CDH20: variants seen among roughly 807,000 people sequenced by gnomAD.
CDH20 encodes the protein cadherin 20.
Under a neutral mutation model 74.2 loss-of-function variants are expected in CDH20, and 29 were observed. That is an observed-to-expected ratio of 0.39 (90% CI 0.29 to 0.53). The LOEUF is 0.53. Among genes scored for constraint, CDH20 ranks in the 20% least tolerant of loss-of-function variants. The pLI is 0.69. For synonymous variants in CDH20, 469 were observed against 405.4 expected, an observed-to-expected ratio of 1.16 and a Z score of -1.88; for missense variants, 988 against 1,048.3, an observed-to-expected ratio of 0.94 and a Z score of 0.79.
At chr18:61,397,061 C>T (rs193096939) in intron 1 of CDH20, among the ~76,000 whole-genome samples, 2 of 152,224 alleles carry the variant, frequency 1.3e-5, no homozygotes, top group East Asian at 1.9e-4. Flanking sequence ...CCAAATATAA[C>T]GTGCTGCCAG....
intron 1 of CDH20, among the ~76,000 whole-genome samples, chr18:61,417,249 G>C (rs572129666): frequency 5.3e-5 from 8 of 152,014 alleles, no homozygotes; most frequent in Non-Finnish European, 1.0e-4. Context: ...AAAGACTTTG[G>C]TGCTAAATCA....
In CDH20 at chr18:61,473,193, ATCTC is replaced by A. The variant is rs1248441066; in HGVS notation, c.-152-17203_-152-17200del. ...AAACAACTTGGGGAAATAGATTTTTATCTCTCTCTTTAATCCTAATTTGATGCTA... is the reference window on the plus strand; with the variant it reads ...AAACAACTTGGGGAAATAGATTTTTATCTCTTTAATCCTAATTTGATGCTA... On this transcript the variant is annotated intron_variant, in intron 1 of 11. Transcript: ENST00000262717. Among the ~76,000 whole-genome samples, 7 of 152,302 alleles carry A rather than the reference ATCTC, an allele frequency of 4.6e-5. 1 individual carries two copies. The highest frequency in any genetic ancestry group is 4.6e-4 in the Admixed American group (7 of 15,300).
At chr18:61,339,130 G>A (rs1909852244) in intron 1 of CDH20, among the ~76,000 whole-genome samples, 1 of 152,052 alleles carries the variant, frequency 6.6e-6, no homozygotes, top group Non-Finnish European at 1.5e-5. Context: ...CGTGAGGGGG[G>A]TGAGAAAGTA....
chr18:61,420,194 C>T (rs1337428320), intron 1 of CDH20, among the ~76,000 whole-genome samples: 16 of 152,152 alleles, frequency 1.1e-4, no homozygotes, highest in South Asian at 1.0e-3. Flanking sequence ...GGCTACTGAG[C>T]GTTTGCATTA....
intron 1 of CDH20, among the ~76,000 whole-genome samples, chr18:61,340,378 C>T (rs1216578342): frequency 1.3e-5 from 2 of 152,060 alleles, no homozygotes; most frequent in African/African-American, 4.8e-5. Flanking sequence ...TCAATTACCA[C>T]TTGTTCCCAG....
intron 1 of CDH20, among the ~76,000 whole-genome samples, chr18:61,420,704 T>C (rs1004951673): frequency 6.6e-6 from 1 of 152,144 alleles, no homozygotes; most frequent in Non-Finnish European, 1.5e-5. Context: ...GGAATTGCAA[T>C]GCTCAGGCTG....
chr18:61,533,212 G>A (rs1019928798), intron 7 of CDH20, among the ~76,000 whole-genome samples: 2 of 152,310 alleles, frequency 1.3e-5, no homozygotes, highest in Admixed American at 6.5e-5. Context: ...GGAGGCTGAG[G>A]CGGAAGGATC....
chr18:61,504,659 C>A (rs1911497112), intron 5 of CDH20, among the ~76,000 whole-genome samples: 1 of 151,862 alleles, frequency 6.6e-6, no homozygotes, highest in South Asian at 2.1e-4. Context: ...GCAGGAAGTG[C>A]AATTCCAGGT....
intron 1 of CDH20, among the ~76,000 whole-genome samples, chr18:61,421,560 C>T (rs1476128604): frequency 6.6e-6 from 1 of 152,086 alleles, no homozygotes; most frequent in East Asian, 1.9e-4. Flanking sequence ...TATAAACTAT[C>T]ACCTGGTGTT....
intron 1 of CDH20, among the ~76,000 whole-genome samples, chr18:61,413,944 A>C (rs775174460): frequency 1.3e-5 from 2 of 152,178 alleles, no homozygotes; most frequent in African/African-American, 2.4e-5. Flanking sequence ...TTAGGTTGTC[A>C]AGAAACCTGT....
intron 1 of CDH20, among the ~76,000 whole-genome samples, chr18:61,430,948 G>A (rs563401145): frequency 1.4e-4 from 22 of 152,250 alleles, no homozygotes; most frequent in African/African-American, 4.3e-4. Flanking sequence ...GGCCCTAGGT[G>A]TGCTTGTATT....
rs1409176762 is a variant in CDH20 at position 61,369,911 on chromosome 18, G to A, written c.-153+36084G>A. Among the ~76,000 whole-genome samples, 5 of 151,960 alleles carry A rather than the reference G, an allele frequency of 3.3e-5. 1 individual carries two copies. In the South Asian group the frequency reaches 6.2e-4, roughly 19 times the overall value. ...GGAACAACACACACTGGGGTCTAAC[G>A]GAGGGTGGAAGGTGGGAGGAGGGAG... On this transcript the variant is annotated intron_variant, in intron 1 of 11. Coordinates refer to ENST00000262717, the MANE Select transcript of CDH20 (RefSeq NM_031891.4).
At chr18:61,397,863 T>A (rs916985956) in intron 1 of CDH20, among the ~76,000 whole-genome samples, 3 of 152,222 alleles carry the variant, frequency 2.0e-5, no homozygotes, top group African/African-American at 7.2e-5. Context: ...TAGTAAGTAC[T>A]ATAAAGTGTT....
In CDH20 at chr18:61,536,621, T is replaced by C. The variant is rs746199269; in HGVS notation, c.1400T>C (p.Met467Thr). ...TGGCATAATATCACTGTCCTTGCTA[T>C]GGAAATGAGTAAGTAGCACAGTAAG... is the stretch of plus-strand genomic sequence containing the variant. ...FSWHNITVLA[M>T]EMNNPSQVGS... The change falls in exon 8 of 12, where the codon ATG (methionine) becomes ACG (threonine). Residue 467 changes from methionine (M) to threonine (T), a missense_variant. Coordinates refer to ENST00000262717, the MANE Select transcript of CDH20 (RefSeq NM_031891.4). 1.9e-5 allele frequency: 31 copies of C among 1,613,702 alleles called. No homozygotes were observed. Among genetic ancestry groups the C allele is most frequent in the Non-Finnish European group, 2.5e-5 (30 of 1,179,778 alleles).
At chr18:61,373,101 C>T (rs575260597) in intron 1 of CDH20, among the ~76,000 whole-genome samples, 45 of 151,688 alleles carry the variant, frequency 3.0e-4, no homozygotes, top group African/African-American at 1.1e-3. Flanking sequence ...TCAGTTTTGC[C>T]TTTCGTTTTT....
At position 61,514,142 on chromosome 18, in the gene CDH20, A is replaced by G. The variant is rs559171241; in HGVS notation, c.1017+6582A>G. 7.8e-3 allele frequency among the ~76,000 whole-genome samples: 1,193 copies of G among 152,208 alleles called. 21 individuals carry two copies. Among genetic ancestry groups the G allele is most frequent in the African/African-American group, 0.028 (1,160 of 41,516 alleles). On this transcript the variant is annotated intron_variant, in intron 6 of 11. Coordinates refer to ENST00000262717, the MANE Select transcript of CDH20 (RefSeq NM_031891.4). ...CCCATCACTTTCAGGTACACCAATC[A>G]GACGTAGATTTGGTCTTTTCACATA...
intron 1 of CDH20, among the ~76,000 whole-genome samples, chr18:61,484,788 TCCCTA>T (rs1176798990): frequency 1.4e-5 from 2 of 140,464 alleles, no homozygotes; most frequent in African/African-American, 5.5e-5. Context: ...CACACACACA[TCCCTA>T]CCATTATACA....
rs773904314 is a variant in CDH20, at chr18:61,341,443, G to A, written c.-153+7616G>A. Among the ~76,000 whole-genome samples, 118 of 151,128 alleles carry A rather than the reference G, an allele frequency of 7.8e-4. 1 individual carries two copies. Among genetic ancestry groups the A allele is most frequent in the Non-Finnish European group, 4.3e-4 (29 of 67,958 alleles). On this transcript the variant is annotated intron_variant, in intron 1 of 11. Coordinates refer to ENST00000262717, the MANE Select transcript of CDH20 (RefSeq NM_031891.4). ...TTGAGCCCCCCCCCCGCCTAATGCC[G>A]TTCCATTGTGGGTTAGGATTTCAGT...
At chr18:61,536,779 G>A in intron 8 of CDH20, 150 bp downstream of exon 8, 1 of 677,682 alleles carries the variant, frequency 1.5e-6, no homozygotes, top group Non-Finnish European at 2.5e-6. Context: ...AATGCGTTCA[G>A]TTCAAATACT....
Sources: gnomAD v4.1 joint callset for allele counts (sites outside exome capture counted in the v4.1 genomes callset) on GRCh38, gnomAD v4.1.1 for gene constraint, MANE v1.5 for transcripts, NCBI Gene and HGNC (gene_info 2026-07-23, HGNC 2026-07-21) for gene names.